The following ZDHHC13 variants were observed in gnomAD, a reference collection of about 807,000 sequenced individuals.
ZDHHC13 encodes palmitoyltransferase ZDHHC13.
Under a neutral mutation model 86.0 loss-of-function variants are expected in ZDHHC13, and 85 were observed. The ratio of observed to expected loss-of-function variants is 0.99; its 90% CI spans 0.83 to 1.18. The LOEUF is 1.18. Ranked by LOEUF, ZDHHC13 falls within the 50% of genes most tolerant of loss-of-function variation. ZDHHC13 has a pLI of 0.00. For synonymous variants in ZDHHC13, 263 were observed against 246.4 expected (o/e 1.07, Z -0.63); for missense variants, 711 against 730.2 (o/e 0.97, Z 0.30).
intron 1 of ZDHHC13, among the ~76,000 whole-genome samples, chr11:19,134,637 C>T (rs531234762): frequency 1.3e-5 from 2 of 150,438 alleles, no homozygotes; most frequent in Non-Finnish European, 2.9e-5. Flanking sequence ...TGTTCTCACT[C>T]ATAAGTGGGA....
At chr11:19,144,432 A>AGAGAGTGTGTGTGTGTGTGT (rs377410572) in intron 2 of ZDHHC13, among the ~76,000 whole-genome samples, 6 of 143,074 alleles carry the variant, frequency 4.2e-5, no homozygotes, top group African/African-American at 1.3e-4. Context: ...AGAGCTATGG[A>AGAGAGTGTGTGTGTGTGTGT]GTGTGTGTGT....
In ZDHHC13 at chr11:19,143,102, G is replaced by A. The variant is rs1197615019; in HGVS notation, c.152G>A (p.Cys51Tyr). Residue 51 changes from cysteine to tyrosine, a missense_variant, in exon 2 of 17, where the codon TGT becomes TAT. Physicochemically the swap from Cys to Tyr is radical, Grantham distance 194. Transcript: ENST00000446113. ...ALPLIEDSSN[C>Y]DIVKATQYGI... is the part of the protein sequence containing the mutation. ...CCTCTTATAGAGGACTCTAGTAACT[G>A]TGACATTGTCAAAGCTACTCAGTAA... 8.7e-6 allele frequency: 14 copies of A among 1,612,588 alleles called. No homozygotes were observed. The Admixed American group carries it at 1.5e-4, about 17-fold the overall frequency.
intron 1 of ZDHHC13, among the ~76,000 whole-genome samples, chr11:19,119,489 TCTTTC>T (rs1358705795): frequency 6.6e-6 from 1 of 152,186 alleles, no homozygotes; most frequent in Admixed American, 6.5e-5. Flanking sequence ...TCTGGAATGC[TCTTTC>T]CTTGTGTGCC....
At chr11:19,161,726 A>T (rs1302332063) in intron 10 of ZDHHC13, among the ~76,000 whole-genome samples, 2 of 152,110 alleles carry the variant, frequency 1.3e-5, no homozygotes, top group Non-Finnish European at 2.9e-5. Flanking sequence ...TTTAAGAGGG[A>T]TAAATACATG....
chr11:19,154,328 A>G (rs1849699337), intron 8 of ZDHHC13, among the ~76,000 whole-genome samples: 1 of 152,094 alleles, frequency 6.6e-6, no homozygotes, highest in South Asian at 2.1e-4. Flanking sequence ...ATCCATATTT[A>G]ATTCTTATCT....
chr11:19,141,782 A>G (rs1027633302), intron 1 of ZDHHC13, among the ~76,000 whole-genome samples: 2 of 151,780 alleles, frequency 1.3e-5, no homozygotes, highest in Non-Finnish European at 2.9e-5. Context: ...TGACAAATCT[A>G]AGATAATTGT....
intron 12 of ZDHHC13, chr11:19,164,694 T>A (rs1441584216): frequency 2.4e-6 from 1 of 412,900 alleles, no homozygotes; most frequent in African/African-American, 2.0e-5. Context: ...ACCTCTCATT[T>A]TGCAATTGAG....
Position 19,149,148 on chromosome 11 carries a change from C to T in ZDHHC13, c.375-39C>T, listed in dbSNP as rs1270951708. ...GTCTCTCCCTGACTTTTTGCTTTTTCTGCATGCTACAGAATGGCTTTTTGT... is the reference window on the plus strand; with the variant it reads ...GTCTCTCCCTGACTTTTTGCTTTTTTTGCATGCTACAGAATGGCTTTTTGT... On this transcript the variant is annotated intron_variant, in intron 4 of 16. Coordinates refer to ENST00000446113, the MANE Select transcript of ZDHHC13 (RefSeq NM_019028.3). 23 of 1,422,632 alleles carry T rather than the reference C, an allele frequency of 1.6e-5. No homozygotes were observed. In the Admixed American group the frequency reaches 2.7e-4, roughly 17 times the overall value. 88.1% of individuals were successfully genotyped at this position (1,422,632 alleles called of 1,614,324 possible). A position where few individuals can be genotyped will look rare whatever the true frequency, so the allele number is the denominator to read the frequency against.
In ZDHHC13 at chr11:19,152,300, C is replaced by G; in HGVS notation, c.727C>G (p.Leu243Val). ...VDKLLEAGSS[L>V]DIQNVKGETP... is the part of the protein sequence containing the mutation. Reference sequence around the variant, plus strand: ...TAAGCTTTTGGAAGCTGGTTCTAGCCTGGATATCCAGAATGTTAAGGTATG... The same window carrying G: ...TAAGCTTTTGGAAGCTGGTTCTAGCGTGGATATCCAGAATGTTAAGGTATG... The change falls in exon 7 of 17, where the codon CTG becomes GTG. Residue 243 changes from leucine to valine, a missense_variant. By Grantham distance (32) the Leu-to-Val change is conservative. Coordinates refer to ENST00000446113, the MANE Select transcript of ZDHHC13 (RefSeq NM_019028.3). 6.2e-7 allele frequency: 1 copy of G among 1,613,160 alleles called. No homozygotes were observed. Among genetic ancestry groups the G allele is most frequent in the Non-Finnish European group, 8.5e-7 (1 of 1,179,422 alleles).
At position 19,146,190 on chromosome 11, in the gene ZDHHC13, T is replaced by G. The variant is rs781587715; in HGVS notation, c.183T>G (p.Ile61Met). ...CDIVKATQYG[I>M]FERCKELVEA... ...TTTTTTCTTCTTTGAGATACGGAAT[T>G]TTTGAACGATGTAAAGAGTTGGTAG... The change falls in exon 3 of 17, where the codon ATT becomes ATG. Residue 61 changes from isoleucine to methionine, a missense_variant. Ile to Met is a conservative substitution (Grantham distance 10). Transcript: ENST00000446113. 1 of 1,587,428 alleles carries G rather than the reference T, an allele frequency of 6.3e-7. No individual in the cohort carries two copies. Among genetic ancestry groups the G allele is most frequent in the Non-Finnish European group, 8.5e-7 (1 of 1,170,044 alleles).
At chr11:19,163,031 T>G (rs998666527) in intron 10 of ZDHHC13, among the ~76,000 whole-genome samples, 2 of 152,174 alleles carry the variant, frequency 1.3e-5, no homozygotes, top group African/African-American at 2.4e-5. Context: ...TTATTTGGTC[T>G]TGAGTGTCAC....
intron 1 of ZDHHC13, among the ~76,000 whole-genome samples, chr11:19,140,332 C>G (rs932704487): frequency 4.6e-5 from 7 of 152,120 alleles, no homozygotes; most frequent in African/African-American, 1.7e-4. Flanking sequence ...CCATCACTGG[C>G]CATCAGAGAA....
In ZDHHC13 at chr11:19,164,293, T is replaced by A. The variant is rs1047067018; in HGVS notation, c.1234-8T>A. 2.5e-6 allele frequency: 4 copies of A among 1,612,770 alleles called. No homozygotes were observed. Among genetic ancestry groups the A allele is most frequent in the Non-Finnish European group, 3.4e-6 (4 of 1,179,340 alleles). Reference sequence around the variant, plus strand: ...ATGTGGTAATAGGTCAAACTTCATGTCTTTCAGAATATCATCACCCTTGCA... The same window carrying A: ...ATGTGGTAATAGGTCAAACTTCATGACTTTCAGAATATCATCACCCTTGCA... On this transcript the variant is annotated splice_polypyrimidine_tract_variant and splice_region_variant and intron_variant, in intron 11 of 16. Coordinates refer to ENST00000446113, the MANE Select transcript of ZDHHC13 (RefSeq NM_019028.3).
chr11:19,121,997 C>T (rs1007523533), intron 1 of ZDHHC13, among the ~76,000 whole-genome samples: 22 of 152,060 alleles, frequency 1.4e-4, no homozygotes, highest in African/African-American at 5.3e-4. Context: ...GTGTCTTCTT[C>T]CCTATCTTTT....
intron 1 of ZDHHC13, among the ~76,000 whole-genome samples, chr11:19,137,603 A>G (rs1311681570): frequency 2.6e-5 from 4 of 152,136 alleles, no homozygotes; most frequent in African/African-American, 7.2e-5. Flanking sequence ...CCCCAAATCA[A>G]CAGAATATAC....
intron 12 of ZDHHC13, 86 bp downstream of exon 12, chr11:19,164,449 G>A: frequency 7.7e-7 from 1 of 1,301,468 alleles, no homozygotes; most frequent in South Asian, 1.3e-5. Context: ...GATCTTCATG[G>A]TATATTTATA....
intron 1 of ZDHHC13, among the ~76,000 whole-genome samples, chr11:19,133,946 C>CACAG (rs1849065559): frequency 2.1e-5 from 1 of 46,596 alleles, no homozygotes; most frequent in East Asian, 7.2e-4. Flanking sequence ...TATATATACA[C>CACAG]GTATGTGTTT....
chr11:19,123,491 TAAA>T (rs1480486443), intron 1 of ZDHHC13, among the ~76,000 whole-genome samples: 1 of 151,456 alleles, frequency 6.6e-6, no homozygotes, highest in Non-Finnish European at 1.5e-5. Context: ...TACAGAAGAA[TAAA>T]AAAATCAGCA....
intron 10 of ZDHHC13, among the ~76,000 whole-genome samples, chr11:19,162,270 A>G (rs928986201): frequency 2.6e-5 from 4 of 152,190 alleles, no homozygotes; most frequent in Admixed American, 2.0e-4. Flanking sequence ...GGTTGAAGTT[A>G]TAGAAAGGCA....
Sources: gnomAD v4.1 joint callset for allele counts (sites outside exome capture counted in the v4.1 genomes callset) on GRCh38, gnomAD v4.1.1 for gene constraint, MANE v1.5 for transcripts, NCBI Gene and HGNC (gene_info 2026-07-23, HGNC 2026-07-21) for gene names.